CDYL: variants seen among roughly 807,000 people sequenced by gnomAD.
CDYL encodes the protein chromodomain Y-like protein.
CDYL carries 8 observed loss-of-function variants against 47.3 expected under a neutral mutation model. The ratio of observed to expected loss-of-function variants is 0.17; its 90% CI spans 0.10 to 0.31. The LOEUF (loss-of-function observed/expected upper bound fraction) is 0.31, where lower values mean the gene tolerates loss of function less well. Among genes scored for constraint, CDYL ranks in the 10% least tolerant of loss-of-function variants. The pLI is 1.00. For synonymous variants in CDYL, 266 were observed against 265.0 expected, an observed-to-expected ratio of 1.00 and a Z score of -0.04; for missense variants, 471 against 701.4, an observed-to-expected ratio of 0.67 and a Z score of 3.71.
chr6:4,890,125 A>G, intron 1 of CDYL: 2 of 985,484 alleles, frequency 2.0e-6, no homozygotes, highest in Non-Finnish European at 2.4e-6. Flanking sequence ...CATTGATTTA[A>G]GGTGGGTTGG....
At chr6:4,804,276 G>C (rs538757502) in intron 1 of CDYL, among the ~76,000 whole-genome samples, 1 of 152,248 alleles carries the variant, frequency 6.6e-6, no homozygotes, top group East Asian at 1.9e-4. Context: ...GAGAATGGTG[G>C]GCCTGAGACC....
At chr6:4,786,770 G>A (rs1193534047) in intron 1 of CDYL, among the ~76,000 whole-genome samples, 2 of 152,150 alleles carry the variant, frequency 1.3e-5, no homozygotes, top group Admixed American at 1.3e-4. Flanking sequence ...CTGTCTATGG[G>A]CTAGACCAAA....
In CDYL at chr6:4,777,028, G is replaced by C. The variant is rs946615107; in HGVS notation, c.24+221G>C. On this transcript the variant is annotated intron_variant, in intron 1 of 6. Coordinates refer to ENST00000397588, the MANE Select transcript of CDYL (RefSeq NM_004824.4). ...TGAAGTTGCCGGGCGTGGGGTGGGG[G>C]GGGGGGTCCCAGCCGTGGGGAAGTG... Among the ~76,000 whole-genome samples, 598 of 149,546 alleles carry C rather than the reference G, an allele frequency of 4.0e-3. 3 individuals carry two copies. Among genetic ancestry groups the C allele is most frequent in the Non-Finnish European group, 7.1e-3 (474 of 66,528 alleles).
At chr6:4,830,900 A>G (rs940351478) in intron 1 of CDYL, among the ~76,000 whole-genome samples, 1 of 151,900 alleles carries the variant, frequency 6.6e-6, no homozygotes, top group African/African-American at 2.4e-5. Flanking sequence ...GATGATTTGC[A>G]GTTTCATCCA....
At chr6:4,758,968 C>CTTTTTT (rs753662724) in intron 3 of CDYL, among the ~76,000 whole-genome samples, 57 of 131,846 alleles carry the variant, frequency 4.3e-4, no homozygotes, top group Non-Finnish European at 5.2e-4. Flanking sequence ...TTTTCTTTTT[C>CTTTTTT]TTTTTTTTTT....
At chr6:4,745,813 A>C (rs1380541862) in intron 3 of CDYL, among the ~76,000 whole-genome samples, 1 of 152,174 alleles carries the variant, frequency 6.6e-6, no homozygotes, top group Non-Finnish European at 1.5e-5. Flanking sequence ...GAGGCCTGGG[A>C]GGATAAATAG....
chr6:4,823,278 C>T (rs989554298), intron 1 of CDYL, among the ~76,000 whole-genome samples: 1 of 152,188 alleles, frequency 6.6e-6, no homozygotes, highest in African/African-American at 2.4e-5. Context: ...ATTCAGAGAA[C>T]AGTCCCAATT....
chr6:4,811,372 C>A (rs906503723), intron 1 of CDYL, among the ~76,000 whole-genome samples: 2 of 151,994 alleles, frequency 1.3e-5, no homozygotes, highest in Non-Finnish European at 2.9e-5. Context: ...TTAAAAGTAC[C>A]TCTTCAGTAG....
At position 4,892,190 on chromosome 6, in the gene CDYL, C is replaced by G; in HGVS notation, c.502C>G (p.Pro168Ala). 3 of 1,614,188 alleles carry G rather than the reference C, an allele frequency of 1.9e-6. No individual in the cohort carries two copies. Among genetic ancestry groups the G allele is most frequent in the Non-Finnish European group, 1.7e-6 (2 of 1,180,034 alleles). The part of the protein sequence containing the change: ...FQSESPEKLD[P>A]VEQGQEDTVA... The stretch of plus-strand genomic sequence containing the variant: ...GAGCGAGAGCCCTGAGAAACTGGAC[C>G]CCGTCGAGCAGGGTCAGGAGGACAC... The change falls in exon 2 of 7, where the codon CCC becomes GCC. Residue 168 changes from proline (P) to alanine (A), a missense_variant. This residue lies in a region of CDYL where 311 missense variants were observed against 350.0 expected (regional missense o/e 0.89). Transcript: ENST00000397588.
intron 4 of CDYL, among the ~76,000 whole-genome samples, chr6:4,942,145 C>G (rs1581284098): frequency 6.6e-6 from 1 of 152,194 alleles, no homozygotes; most frequent in South Asian, 2.1e-4. Context: ...ATGCCTCAGG[C>G]TCTCTCATTT....
Position 4,895,287 on chromosome 6 carries a change from A to ATGCATGTATGTATATATGTGCATG in CDYL, c.691+2909_691+2910insGCATGTATGTATATATGTGCATGT, listed in dbSNP as rs1561693419. Reference sequence around the variant, plus strand: ...TATACATGTATGTATATATGTGCATATATGCATGTATGTATATATGTGCAT... The same window carrying ATGCATGTATGTATATATGTGCATG: ...TATACATGTATGTATATATGTGCATATGCATGTATGTATATATGTGCATGTATGCATGTATGTATATATGTGCAT... On this transcript the variant is annotated intron_variant, in intron 2 of 6. Coordinates refer to ENST00000397588, the MANE Select transcript of CDYL (RefSeq NM_004824.4). 3.4e-4 allele frequency among the ~76,000 whole-genome samples: 49 copies of ATGCATGTATGTATATATGTGCATG among 144,968 alleles called. 20 individuals are homozygous for ATGCATGTATGTATATATGTGCATG. The highest frequency in any genetic ancestry group is 1.4e-3 in the African/African-American group (49 of 35,940).
intron 4 of CDYL, among the ~76,000 whole-genome samples, chr6:4,941,883 A>G (rs1406840919): frequency 6.6e-6 from 1 of 152,170 alleles, no homozygotes; most frequent in Non-Finnish European, 1.5e-5. Flanking sequence ...GGCAGATGAA[A>G]TTGGAGCTAC....
intron 1 of CDYL, among the ~76,000 whole-genome samples, chr6:4,828,209 G>A (rs145096760): frequency 8.3e-5 from 12 of 144,844 alleles, no homozygotes; most frequent in African/African-American, 3.1e-4. Context: ...ACGTTAGTTT[G>A]CTGGATATAG....
intron 1 of CDYL, chr6:4,715,709 G>GTAAAT: frequency 6.3e-7 from 1 of 1,598,970 alleles, no homozygotes. Context: ...ATGTACTGTA[G>GTAAAT]TAAATTCCTC....
rs563072099 is a variant in CDYL, at chr6:4,709,015, T to G, written c.-39+2764T>G. Reference sequence around the variant, plus strand: ...GAGTGGGACCCTGTCTTAAAAAAAATAAAATAAAATAAAATAAAATATTGT... The same window carrying G: ...GAGTGGGACCCTGTCTTAAAAAAAAGAAAATAAAATAAAATAAAATATTGT... On this transcript the variant is annotated intron_variant, in intron 1 of 8. Transcript: ENST00000328908. Among the ~76,000 whole-genome samples, 7 of 151,814 alleles carry G rather than the reference T, an allele frequency of 4.6e-5. No individual in the cohort carries two copies. The South Asian group carries it at 1.5e-3, about 32-fold the overall frequency.
intron 2 of CDYL, among the ~76,000 whole-genome samples, chr6:4,717,264 G>T (rs901987743): frequency 2.6e-5 from 4 of 152,268 alleles, no homozygotes; most frequent in Admixed American, 2.0e-4. Context: ...CCTAATTCCT[G>T]TTCCGCCTAC....
At chr6:4,819,895 G>A (rs1759785712) in intron 1 of CDYL, among the ~76,000 whole-genome samples, 1 of 152,164 alleles carries the variant, frequency 6.6e-6, no homozygotes, top group South Asian at 2.1e-4. Context: ...CCAGATGCCA[G>A]TAGTGCTGAA....
At chr6:4,817,224 T>C (rs1434970670) in intron 1 of CDYL, among the ~76,000 whole-genome samples, 3 of 152,156 alleles carry the variant, frequency 2.0e-5, no homozygotes, top group Non-Finnish European at 4.4e-5. Context: ...GGGAGCCAGC[T>C]AACTTCAGCC....
At chr6:4,850,094 T>C (rs1299091697) in intron 1 of CDYL, among the ~76,000 whole-genome samples, 1 of 152,050 alleles carries the variant, frequency 6.6e-6, no homozygotes. Context: ...GTAAGAGGAA[T>C]ATTATTAGTA....
Sources: gnomAD v4.1 joint callset for allele counts (sites outside exome capture counted in the v4.1 genomes callset) on GRCh38, gnomAD v4.1.1 for gene constraint, gnomAD v4.1.1 regional missense constraint, MANE v1.5 for transcripts, NCBI Gene and HGNC (gene_info 2026-07-23, HGNC 2026-07-21) for gene names.